The following TOGARAM2 variants were observed in gnomAD, a reference collection of about 807,000 sequenced individuals.
The protein encoded by TOGARAM2 is TOG array regulator of axonemal microtubules protein 2.
In TOGARAM2, 85 loss-of-function variants were observed where a neutral mutation model predicts 93.3. The observed-to-expected ratio is 0.91, with a 90% CI of 0.76 to 1.09. TOGARAM2 has a LOEUF of 1.09. Among genes scored for constraint, TOGARAM2 ranks in the 50% least tolerant of loss-of-function variants. The probability of loss-of-function intolerance (pLI) is 0.00; values close to 1 mark genes in which losing one functional copy is unlikely to be tolerated. For missense variants in TOGARAM2, 1,277 were observed against 1,334.5 expected (o/e 0.96, Z 0.67); for synonymous variants, 593 against 552.8 (o/e 1.07, Z -1.02).
chr2:28,971,196 G>T (rs2148222322), intron 1 of TOGARAM2: 1 of 152,420 alleles, frequency 6.6e-6, no homozygotes, highest in East Asian at 1.9e-4. Flanking sequence ...GCTTGTGTTT[G>T]GTGGGAGTTT....
chr2:28,994,086 C>T (rs1476387772), intron 1 of TOGARAM2, among the ~76,000 whole-genome samples: 1 of 152,102 alleles, frequency 6.6e-6, no homozygotes, highest in East Asian at 1.9e-4. Context: ...GACCCTGTCA[C>T]ATGGAAATAA....
At chr2:29,017,709 C>A in intron 9 of TOGARAM2, 83 bp from the exon 10 acceptor site, 1 of 1,380,490 alleles carries the variant, frequency 7.2e-7, no homozygotes, top group Non-Finnish European at 9.7e-7. Flanking sequence ...CTTTGGCCAG[C>A]CATGGGTCCA....
chr2:28,998,106 A>G, intron 2 of TOGARAM2, 37 bp from the exon 3 acceptor site: 1 of 1,425,162 alleles, frequency 7.0e-7, no homozygotes, highest in Non-Finnish European at 9.6e-7. Flanking sequence ...GCCTTGGAGG[A>G]CTCTCAGGTG....
In TOGARAM2 at chr2:28,964,883, C is replaced by G. The variant is rs185144119; in HGVS notation, c.-147+8186C>G. On this transcript the variant is annotated intron_variant, in intron 1 of 6. Coordinates refer to the TOGARAM2 transcript ENST00000401723. ...GTGTACCACCTTTTCTTTATCCAGT[C>G]TATCACGGATGGGCATTTGGGTTGA... 1.1e-4 allele frequency among the ~76,000 whole-genome samples: 16 copies of G among 152,300 alleles called. No homozygotes were observed. In the East Asian group the frequency reaches 3.1e-3, roughly 29 times the overall value.
intron 1 of TOGARAM2, among the ~76,000 whole-genome samples, chr2:28,982,683 A>G (rs1672257539): frequency 6.6e-6 from 1 of 152,196 alleles, no homozygotes; most frequent in African/African-American, 2.4e-5. Flanking sequence ...GCATCCTCCC[A>G]TTGACCCCAC....
chr2:28,969,834 C>T (rs1441176736), intron 1 of TOGARAM2, among the ~76,000 whole-genome samples: 79 of 99,990 alleles, frequency 7.9e-4, no homozygotes, highest in African/African-American at 2.8e-3. Flanking sequence ...TTTTTTGAGA[C>T]GGAGTTTCGC....
At chr2:29,046,395 C>G (rs564084404) in intron 19 of TOGARAM2, 1 of 152,340 alleles carries the variant, frequency 6.6e-6, no homozygotes, top group Non-Finnish European at 1.5e-5. Flanking sequence ...AAGCCTCCTC[C>G]CCTGCCTTGG....
chr2:29,020,953 G>A (rs993183525), intron 10 of TOGARAM2, among the ~76,000 whole-genome samples: 4 of 152,014 alleles, frequency 2.6e-5, no homozygotes, highest in Non-Finnish European at 4.4e-5. Context: ...TCACTCTGTC[G>A]CCCAGGCTGG....
chr2:29,022,452 G>A (rs1205802729), intron 11 of TOGARAM2, 144 bp downstream of exon 11: 12 of 1,089,174 alleles, frequency 1.1e-5, no homozygotes. Flanking sequence ...AGGGAGGACT[G>A]TGCATGCATA....
upstream of TOGARAM2, among the ~76,000 whole-genome samples, chr2:28,978,333 A>T (rs1049722720): frequency 1.2e-4 from 18 of 152,034 alleles, no homozygotes; most frequent in Non-Finnish European, 1.3e-4. Flanking sequence ...AGGGGAGAAG[A>T]CCCCTCAGTG....
intron 13 of TOGARAM2, among the ~76,000 whole-genome samples, chr2:29,024,802 T>C (rs1665239184): frequency 6.6e-6 from 1 of 152,150 alleles, no homozygotes; most frequent in Non-Finnish European, 1.5e-5. Context: ...GCATGGGCCC[T>C]GGAGCTCCTG....
intron 13 of TOGARAM2, among the ~76,000 whole-genome samples, chr2:29,026,392 C>A (rs1049968786): frequency 1.6e-4 from 24 of 152,260 alleles, no homozygotes; most frequent in African/African-American, 5.8e-4. Flanking sequence ...CTGATGGGGG[C>A]CCTAAGGGTG....
intron 4 of TOGARAM2, among the ~76,000 whole-genome samples, 198 bp downstream of exon 4, chr2:28,999,666 G>A (rs1314982962): frequency 6.6e-6 from 1 of 152,234 alleles, no homozygotes; most frequent in Non-Finnish European, 1.5e-5. Flanking sequence ...GGGCTCTGCA[G>A]TGCTTCCCGA....
At chr2:29,001,927 C>T (rs1201434985) in intron 4 of TOGARAM2, among the ~76,000 whole-genome samples, 1 of 151,820 alleles carries the variant, frequency 6.6e-6, no homozygotes, top group African/African-American at 2.4e-5. Context: ...CAACCCAGTG[C>T]TTCTTGCCCT....
rs570325920 is a variant in TOGARAM2, at chr2:28,986,565, G to T, written c.-111+5027G>T. 2.0e-5 allele frequency among the ~76,000 whole-genome samples: 3 copies of T among 152,258 alleles called. No homozygotes were observed. In the South Asian group the frequency reaches 6.2e-4, roughly 32 times the overall value. ...TAAGAAAGGTTCTTCCCAGCAACGT[G>T]CTACTTGACCCCTGTTGTAAGTGTC... On this transcript the variant is annotated intron_variant, in intron 1 of 19. Coordinates refer to ENST00000379558, the MANE Select transcript of TOGARAM2 (RefSeq NM_199280.4).
chr2:28,986,970 G>A (rs1672496459), intron 1 of TOGARAM2, among the ~76,000 whole-genome samples: 2 of 152,130 alleles, frequency 1.3e-5, no homozygotes, highest in Non-Finnish European at 2.9e-5. Flanking sequence ...CAGCTAGCAG[G>A]TGATGGAATT....
At chr2:28,985,751 GAA>G (rs1368632395) in intron 1 of TOGARAM2, among the ~76,000 whole-genome samples, 1 of 152,148 alleles carries the variant, frequency 6.6e-6, no homozygotes, top group Non-Finnish European at 1.5e-5. Context: ...CTATTCATCA[GAA>G]AAAGACTGAA....
chr2:29,037,544 C>T (rs1458516533), intron 18 of TOGARAM2, among the ~76,000 whole-genome samples: 1 of 152,154 alleles, frequency 6.6e-6, no homozygotes, highest in African/African-American at 2.4e-5. Flanking sequence ...TTTAGAGAGG[C>T]TGGACACCCC....
chr2:28,962,933 C>T (rs1026897271), intron 1 of TOGARAM2, among the ~76,000 whole-genome samples: 27 of 151,908 alleles, frequency 1.8e-4, no homozygotes, highest in African/African-American at 6.0e-4. Flanking sequence ...AGTGATCCTC[C>T]CACCTTAGCC....
Sources: gnomAD v4.1 joint callset for allele counts (sites outside exome capture counted in the v4.1 genomes callset) on GRCh38, gnomAD v4.1.1 for gene constraint, MANE v1.5 for transcripts, NCBI Gene and HGNC (gene_info 2026-07-23, HGNC 2026-07-21) for gene names.